ESRRG: variants seen among roughly 807,000 people sequenced by gnomAD.
ESRRG encodes the protein estrogen related receptor gamma, also known as estrogen-related receptor gamma.
A neutral mutation model predicts 44.0 loss-of-function variants in ESRRG; 13 were observed. That is an observed-to-expected ratio of 0.30 (90% confidence interval 0.19 to 0.47). The LOEUF (loss-of-function observed/expected upper bound fraction) is 0.47. Among genes scored for constraint, ESRRG ranks in the 20% least tolerant of loss-of-function variants. The pLI is 1.00. For synonymous variants in ESRRG, 215 were observed against 214.6 expected, an observed-to-expected ratio of 1.00 and a Z score of -0.02; for missense variants, 395 against 580.6, an observed-to-expected ratio of 0.68 and a Z score of 3.29.
rs144206899 is a variant in ESRRG, at chr1:216,868,380, C to T, written c.-14+71202G>A. 6.4e-3 allele frequency among the ~76,000 whole-genome samples: 974 copies of T among 152,176 alleles called. 9 individuals are homozygous for T. Among genetic ancestry groups the T allele is most frequent in the South Asian group, 0.032 (153 of 4,822 alleles). On this transcript the variant is annotated intron_variant, in intron 2 of 7. Transcript: ENST00000359162. ...TGGGATTACGGGATCCTGTGTGCCA[C>T]CACGCCAGGCAGATAGTTTGTTCTT...
intron 1 of ESRRG, among the ~76,000 whole-genome samples, chr1:217,038,677 G>A (rs139695058): frequency 5.3e-5 from 8 of 152,302 alleles, no homozygotes; most frequent in Non-Finnish European, 8.8e-5. Context: ...TTCTTTCCAG[G>A]ACTCTGGACC....
At chr1:216,600,266 C>A (rs993013713) in intron 3 of ESRRG, among the ~76,000 whole-genome samples, 2 of 152,086 alleles carry the variant, frequency 1.3e-5, no homozygotes, top group African/African-American at 4.8e-5. Context: ...ATGGTAGATA[C>A]GTGTCATTAT....
intron 3 of ESRRG, among the ~76,000 whole-genome samples, chr1:216,619,078 T>G (rs565542547): frequency 2.0e-5 from 3 of 152,374 alleles, no homozygotes; most frequent in East Asian, 1.9e-4. Context: ...CACCAACATA[T>G]GCATTCTTAG....
intron 3 of ESRRG, among the ~76,000 whole-genome samples, chr1:216,619,643 T>C (rs762783610): frequency 6.6e-6 from 1 of 152,154 alleles, no homozygotes; most frequent in Non-Finnish European, 1.5e-5. Context: ...AGACCACAAG[T>C]AATATATGGG....
chr1:216,852,127 G>A (rs907678262), intron 2 of ESRRG, among the ~76,000 whole-genome samples: 1 of 152,186 alleles, frequency 6.6e-6, no homozygotes, highest in Non-Finnish European at 1.5e-5. Flanking sequence ...TTTAGGCTTG[G>A]TTTATTTGAG....
intron 1 of ESRRG, among the ~76,000 whole-genome samples, chr1:217,045,412 C>T (rs1385721331): frequency 6.6e-6 from 1 of 152,170 alleles, no homozygotes; most frequent in East Asian, 1.9e-4. Context: ...TCTCCAGACT[C>T]ATATATTCAA....
intron 2 of ESRRG, among the ~76,000 whole-genome samples, chr1:216,756,224 T>C (rs1338289112): frequency 6.6e-6 from 1 of 151,970 alleles, no homozygotes; most frequent in Non-Finnish European, 1.5e-5. Flanking sequence ...CCCAATCTCA[T>C]CAAAACCAAA....
chr1:216,796,208 C>T (rs2094466146), intron 2 of ESRRG, among the ~76,000 whole-genome samples: 1 of 152,148 alleles, frequency 6.6e-6, no homozygotes. Flanking sequence ...CAGAGGGGTG[C>T]TGTGGGACAC....
intron 3 of ESRRG, among the ~76,000 whole-genome samples, chr1:216,619,297 CAA>C (rs2061855080): frequency 6.6e-6 from 1 of 152,110 alleles, no homozygotes; most frequent in Non-Finnish European, 1.5e-5. Flanking sequence ...AAATACAAAA[CAA>C]AATGTCAAAT....
chr1:216,996,740 C>G (rs115777405), intron 1 of ESRRG, among the ~76,000 whole-genome samples: 75 of 152,178 alleles, frequency 4.9e-4, no homozygotes, highest in African/African-American at 1.7e-3. Flanking sequence ...GAAGAATAAT[C>G]TGAATGCTAA....
intron 2 of ESRRG, among the ~76,000 whole-genome samples, chr1:216,792,592 C>A (rs749164468): frequency 6.6e-6 from 1 of 152,142 alleles, no homozygotes; most frequent in Non-Finnish European, 1.5e-5. Flanking sequence ...CAGGCTCTGG[C>A]ATATTTCCAC....
chr1:216,952,204 C>T (rs1474716307), intron 1 of ESRRG, among the ~76,000 whole-genome samples: 2 of 152,118 alleles, frequency 1.3e-5, no homozygotes, highest in African/African-American at 4.8e-5. Context: ...GAACACTGTC[C>T]TCTCAAACCT....
At chr1:217,044,327 C>A (rs371666682) in intron 1 of ESRRG, among the ~76,000 whole-genome samples, 2 of 152,144 alleles carry the variant, frequency 1.3e-5, no homozygotes, top group African/African-American at 4.8e-5. Flanking sequence ...TTTTCTCAAC[C>A]ATGGGGACCC....
chr1:217,068,385 T>C (rs2090081895), intron 1 of ESRRG, among the ~76,000 whole-genome samples: 1 of 151,938 alleles, frequency 6.6e-6, no homozygotes, highest in African/African-American at 2.4e-5. Flanking sequence ...CCAGGGGCGT[T>C]TAATCCCCTT....
chr1:216,897,976 A>AT (rs1313654751), intron 2 of ESRRG, among the ~76,000 whole-genome samples: 2 of 152,158 alleles, frequency 1.3e-5, no homozygotes, highest in Admixed American at 1.3e-4. Context: ...ATTTCCTGGC[A>AT]TACGATAGGC....
intron 2 of ESRRG, among the ~76,000 whole-genome samples, chr1:216,660,376 T>A (rs1309578135): frequency 6.6e-6 from 1 of 152,166 alleles, no homozygotes; most frequent in Non-Finnish European, 1.5e-5. Context: ...CTCTTTGATG[T>A]GCTTTACATT....
At chr1:216,992,423 A>G (rs766132748) in intron 1 of ESRRG, among the ~76,000 whole-genome samples, 2 of 152,196 alleles carry the variant, frequency 1.3e-5, no homozygotes, top group Admixed American at 1.3e-4. Context: ...GTCTTGAATT[A>G]TTAGAGATAA....
At chr1:217,130,166 A>T (rs2092945518) in intron 1 of ESRRG, among the ~76,000 whole-genome samples, 1 of 152,156 alleles carries the variant, frequency 6.6e-6, no homozygotes, top group African/African-American at 2.4e-5. Context: ...GCCACTTATC[A>T]TTTGCCCTTT....
intron 3 of ESRRG, among the ~76,000 whole-genome samples, chr1:216,639,048 T>C (rs940236691): frequency 6.6e-6 from 1 of 152,148 alleles, no homozygotes; most frequent in Non-Finnish European, 1.5e-5. Flanking sequence ...TGGCTTCAAA[T>C]ATACTAATGA....
Sources: gnomAD v4.1 joint callset for allele counts (sites outside exome capture counted in the v4.1 genomes callset) on GRCh38, gnomAD v4.1.1 for gene constraint, MANE v1.5 for transcripts, NCBI Gene and HGNC (gene_info 2026-07-23, HGNC 2026-07-21) for gene names.